Variants in RGS7 observed in about 807,000 individuals in gnomAD.
RGS7 encodes the protein regulator of G protein signaling 7, also known as regulator of G-protein signaling 7.
Under a neutral mutation model 81.1 loss-of-function variants are expected in RGS7, and 27 were observed. The observed-to-expected ratio is 0.33, with a 90% CI of 0.25 to 0.46. The LOEUF (loss-of-function observed/expected upper bound fraction) is 0.46. Among genes scored for constraint, RGS7 ranks in the 20% least tolerant of loss-of-function variants. RGS7 has a pLI of 1.00. For missense variants in RGS7, 396 were observed against 607.4 expected (o/e 0.65, Z 3.66); for synonymous variants, 208 against 207.7 (o/e 1.00, Z -0.01).
intron 18 of RGS7, among the ~76,000 whole-genome samples, chr1:240,788,628 T>C (rs925580732): frequency 6.6e-6 from 1 of 152,214 alleles, no homozygotes; most frequent in Admixed American, 6.5e-5. Flanking sequence ...GCGTCTCAAG[T>C]GAGAACTGCG....
At chr1:241,051,257 T>C (rs2061234687) in intron 3 of RGS7, among the ~76,000 whole-genome samples, 1 of 152,154 alleles carries the variant, frequency 6.6e-6, no homozygotes, top group African/African-American at 2.4e-5. Context: ...TTCTGCCTTG[T>C]CATGGAAACT....
At position 241,240,547 on chromosome 1, in the gene RGS7, T is replaced by C. The variant is rs118131772; in HGVS notation, c.78+115152A>G. ...AACTAGGTTGCCGCTTCTAAGGTAG[T>C]GAACGTGTAAAAGAGTAAACCTCAT... On this transcript the variant is annotated intron_variant, in intron 2 of 18. Coordinates refer to ENST00000440928, the MANE Select transcript of RGS7 (RefSeq NM_001364886.1). Among the ~76,000 whole-genome samples the C allele has an allele frequency of 8.8e-3, 1,347 of 152,338 alleles. 43 individuals carry two copies. The highest frequency in any genetic ancestry group is 0.065 in the East Asian group (337 of 5,176).
intron 3 of RGS7, among the ~76,000 whole-genome samples, chr1:241,048,581 A>C (rs1413024983): frequency 6.6e-6 from 1 of 152,190 alleles, no homozygotes; most frequent in African/African-American, 2.4e-5. Flanking sequence ...GATATTAAAT[A>C]AGTCTGTTTT....
intron 2 of RGS7, among the ~76,000 whole-genome samples, chr1:241,190,912 T>C (rs1214564899): frequency 1.3e-5 from 2 of 152,144 alleles, no homozygotes; most frequent in Non-Finnish European, 1.5e-5. Flanking sequence ...AGCCATTAAG[T>C]GTAATGTTAG....
chr1:241,160,941 G>T (rs1024136887), intron 2 of RGS7, among the ~76,000 whole-genome samples: 1 of 152,082 alleles, frequency 6.6e-6, no homozygotes, highest in African/African-American at 2.4e-5. Context: ...GAGTATGGTG[G>T]ATAATGCATT....
intron 6 of RGS7, among the ~76,000 whole-genome samples, chr1:240,895,940 C>A (rs896207177): frequency 3.3e-5 from 5 of 152,222 alleles, no homozygotes; most frequent in Non-Finnish European, 5.9e-5. Context: ...CACATCCTCT[C>A]CAGCAACTGT....
intron 3 of RGS7, among the ~76,000 whole-genome samples, chr1:241,014,975 A>T (rs186871078): frequency 6.6e-6 from 1 of 152,248 alleles, no homozygotes; most frequent in African/African-American, 2.4e-5. Flanking sequence ...CAGCCTAGAT[A>T]CAGGGAAATA....
chr1:241,270,454 T>A (rs796405279), intron 2 of RGS7, among the ~76,000 whole-genome samples: 7 of 152,380 alleles, frequency 4.6e-5, no homozygotes, highest in African/African-American at 1.7e-4. Flanking sequence ...CCTACAAGGA[T>A]AAAACTTTTA....
intron 3 of RGS7, among the ~76,000 whole-genome samples, chr1:241,092,899 T>C (rs1368332834): frequency 6.6e-6 from 1 of 150,498 alleles, no homozygotes; most frequent in African/African-American, 2.4e-5. Context: ...AAGGCAGATA[T>C]GTCAGGGATG....
Position 240,890,205 on chromosome 1 carries a change from G to T in RGS7, c.386-20086C>A, listed in dbSNP as rs146178770. ...GTCTCGCTCTGTCACCAGGCTGGAG[G>T]GCAGTGGCGCAATCTCGGCTCACTG... On this transcript the variant is annotated intron_variant, in intron 6 of 18. Coordinates refer to ENST00000440928, the MANE Select transcript of RGS7 (RefSeq NM_001364886.1). 9.2e-5 allele frequency among the ~76,000 whole-genome samples: 14 copies of T among 152,204 alleles called. No individual in the cohort carries two copies. In the East Asian group the frequency reaches 2.5e-3, roughly 27 times the overall value.
chr1:241,316,888 A>G (rs1255391548), intron 2 of RGS7, among the ~76,000 whole-genome samples: 1 of 152,196 alleles, frequency 6.6e-6, no homozygotes, highest in African/African-American at 2.4e-5. Flanking sequence ...AGATCATTTA[A>G]TAGTTTTCAG....
At chr1:241,105,688 T>C (rs991238371) in intron 2 of RGS7, among the ~76,000 whole-genome samples, 4 of 152,256 alleles carry the variant, frequency 2.6e-5, no homozygotes, top group African/African-American at 4.8e-5. Flanking sequence ...ATATCATTAT[T>C]ATTGATTTCA....
chr1:240,792,945 G>T (rs978603465), intron 18 of RGS7, among the ~76,000 whole-genome samples: 9 of 151,984 alleles, frequency 5.9e-5, no homozygotes, highest in Admixed American at 2.0e-4. Context: ...GAATACATGG[G>T]TGCTCTTGGT....
intron 2 of RGS7, among the ~76,000 whole-genome samples, chr1:241,258,773 A>C (rs2077165160): frequency 6.6e-6 from 1 of 152,202 alleles, no homozygotes; most frequent in South Asian, 2.1e-4. Flanking sequence ...GGAGGGAAAA[A>C]CTATTCAGAT....
At chr1:240,876,436 G>A (rs1023277525) in intron 6 of RGS7, among the ~76,000 whole-genome samples, 2 of 152,214 alleles carry the variant, frequency 1.3e-5, no homozygotes, top group Admixed American at 6.5e-5. Context: ...GCATATGTTA[G>A]TGGAACACAG....
chr1:240,989,492 C>G (rs1686148874), intron 3 of RGS7, among the ~76,000 whole-genome samples: 1 of 151,780 alleles, frequency 6.6e-6, no homozygotes, highest in Admixed American at 6.6e-5. Context: ...AGCACCCAAT[C>G]TAGAGCAAAG....
At chr1:241,089,111 A>G (rs1237470142) in intron 3 of RGS7, among the ~76,000 whole-genome samples, 1 of 126,414 alleles carries the variant, frequency 7.9e-6, no homozygotes. Flanking sequence ...GCTTAGACCT[A>G]AGGTGAGTGG....
intron 3 of RGS7, among the ~76,000 whole-genome samples, chr1:241,046,308 C>G (rs1056300717): frequency 6.4e-5 from 1 of 15,656 alleles, no homozygotes; most frequent in African/African-American, 1.2e-4. Flanking sequence ...CCTGACCCCC[C>G]CCCCCTTTTC....
chr1:240,893,326 G>C (rs186685766), intron 6 of RGS7, among the ~76,000 whole-genome samples: 1 of 152,274 alleles, frequency 6.6e-6, no homozygotes, highest in East Asian at 1.9e-4. Flanking sequence ...ATAATGAATA[G>C]TTGCAGTAAA....
Sources: allele counts gnomAD v4.1 joint callset (sites outside exome capture counted in the v4.1 genomes callset), GRCh38; gene constraint gnomAD v4.1.1; transcripts MANE v1.5; gene names NCBI Gene and HGNC (gene_info 2026-07-23, HGNC 2026-07-21).